Variants in TBC1D4 observed in about 807,000 individuals in gnomAD.
The protein encoded by TBC1D4 is TBC1 domain family member 4, also known as TBC (Tre-2, BUB2, CDC16) domain-containing protein.
TBC1D4 carries 121 observed loss-of-function variants against 142.5 expected under a neutral mutation model. The ratio of observed to expected loss-of-function variants is 0.85; its 90% CI spans 0.73 to 0.99. TBC1D4 has a LOEUF of 0.99. Among genes scored for constraint, TBC1D4 ranks in the 50% least tolerant of loss-of-function variants. TBC1D4 has a pLI of 0.00. For synonymous variants in TBC1D4, 630 were observed against 628.2 expected, an observed-to-expected ratio of 1.00 and a Z score of -0.04; for missense variants, 1,475 against 1,606.6, an observed-to-expected ratio of 0.92 and a Z score of 1.40.
chr13:75,353,516 T>C (rs7984434), intron 4 of TBC1D4, among the ~76,000 whole-genome samples: 3,380 of 152,194 alleles, frequency 0.022, 125 homozygotes, highest in African/African-American at 0.077. Flanking sequence ...AGTAGGTGGT[T>C]ATGCAACAAT....
intron 1 of TBC1D4, among the ~76,000 whole-genome samples, chr13:75,388,244 C>A (rs1000995737): frequency 6.6e-6 from 1 of 152,168 alleles, no homozygotes; most frequent in African/African-American, 2.4e-5. Flanking sequence ...TTAATCACAT[C>A]TGCAAAGTTA....
intron 1 of TBC1D4, among the ~76,000 whole-genome samples, chr13:75,381,930 A>G (rs1405005885): frequency 6.6e-6 from 1 of 152,244 alleles, no homozygotes; most frequent in African/African-American, 2.4e-5. Context: ...AATAAATGAA[A>G]TACTAGCAGA....
At position 75,470,736 on chromosome 13, in the gene TBC1D4, A is replaced by G. The variant is rs1293233286; in HGVS notation, c.498+10534T>C. ...GCCAGGCATGGTGGCCTGTAATCCC[A>G]GCACTTTGGGAGGCCAAGGCAGGTG... On this transcript the variant is annotated intron_variant, in intron 1 of 20. Coordinates refer to ENST00000377636, the MANE Select transcript of TBC1D4 (RefSeq NM_014832.5). Among the ~76,000 whole-genome samples the G allele has an allele frequency of 2.0e-5, 3 of 152,204 alleles. No homozygotes were observed. In the East Asian group the frequency reaches 5.8e-4, roughly 29 times the overall value.
intron 14 of TBC1D4, among the ~76,000 whole-genome samples, chr13:75,306,754 T>G (rs1877230935): frequency 6.6e-6 from 1 of 152,184 alleles, no homozygotes; most frequent in South Asian, 2.1e-4. Flanking sequence ...GTGTTGATCA[T>G]TCTATAATTT....
At chr13:75,448,536 C>A (rs1190206632) in intron 1 of TBC1D4, among the ~76,000 whole-genome samples, 1 of 150,534 alleles carries the variant, frequency 6.6e-6, no homozygotes, top group South Asian at 2.1e-4. Context: ...CCATTGTACT[C>A]CAGCCTGGGT....
chr13:75,393,598 T>C (rs1411819191), intron 1 of TBC1D4, among the ~76,000 whole-genome samples: 2 of 152,134 alleles, frequency 1.3e-5, no homozygotes, highest in Non-Finnish European at 2.9e-5. Context: ...GAGAAATTTG[T>C]AGGTTCCACA....
At chr13:75,304,474 T>A (rs954063055) in intron 15 of TBC1D4, among the ~76,000 whole-genome samples, 2 of 152,138 alleles carry the variant, frequency 1.3e-5, no homozygotes, top group Non-Finnish European at 2.9e-5. Flanking sequence ...AGGTGTGCAG[T>A]GGTGGGGTAA....
intron 4 of TBC1D4, among the ~76,000 whole-genome samples, chr13:75,354,082 G>A (rs1379296315): frequency 6.6e-6 from 1 of 152,162 alleles, no homozygotes; most frequent in African/African-American, 2.4e-5. Flanking sequence ...ACCAACCATC[G>A]AAGCAGTCTT....
At chr13:75,404,249 A>C (rs1425620893) in intron 1 of TBC1D4, among the ~76,000 whole-genome samples, 2 of 152,198 alleles carry the variant, frequency 1.3e-5, no homozygotes, top group Non-Finnish European at 2.9e-5. Context: ...GATGTATTTG[A>C]CCTTATTTCA....
At chr13:75,464,545 T>G (rs1248648155) in intron 1 of TBC1D4, among the ~76,000 whole-genome samples, 1 of 152,256 alleles carries the variant, frequency 6.6e-6, no homozygotes, top group African/African-American at 2.4e-5. Context: ...GGTAAAACTC[T>G]GTTCAGGGCT....
intron 1 of TBC1D4, among the ~76,000 whole-genome samples, chr13:75,373,520 T>C (rs764490341): frequency 6.6e-6 from 1 of 152,068 alleles, no homozygotes; most frequent in South Asian, 2.1e-4. Context: ...GACTTGCACT[T>C]TTTGTGGGTG....
chr13:75,417,243 G>A (rs1281792246), intron 1 of TBC1D4, among the ~76,000 whole-genome samples: 1 of 152,114 alleles, frequency 6.6e-6, no homozygotes, highest in Non-Finnish European at 1.5e-5. Context: ...ACTGCCACTT[G>A]CCCTAGACAC....
chr13:75,304,832 T>C (rs191974308), intron 15 of TBC1D4, among the ~76,000 whole-genome samples: 47 of 152,160 alleles, frequency 3.1e-4, no homozygotes, highest in South Asian at 1.5e-3. Flanking sequence ...GCTGGAACAT[T>C]CCATGCAAGA....
chr13:75,299,194 A>G, intron 17 of TBC1D4, 136 bp downstream of exon 17: 3 of 1,475,864 alleles, frequency 2.0e-6, no homozygotes, highest in Non-Finnish European at 2.8e-6. Context: ...AGTGAACTAA[A>G]ACATGCCCCA....
At chr13:75,437,735 TCA>T (rs1886861340) in intron 1 of TBC1D4, among the ~76,000 whole-genome samples, 1 of 152,110 alleles carries the variant, frequency 6.6e-6, no homozygotes, top group Non-Finnish European at 1.5e-5. Context: ...TAACCGACTC[TCA>T]GAGAACAGCT....
In TBC1D4 at chr13:75,285,958, G is replaced by A. The variant is rs1339274086; in HGVS notation, c.*834C>T. On this transcript the variant is annotated 3_prime_UTR_variant, in exon 21 of 21. Transcript: ENST00000377636. ...GTTATTCAAATAAAAAAAGCAGAAA[G>A]CTAATCTAGACATTTTAGGTCCTAA... 6.6e-6 allele frequency: 1 copy of A among 152,666 alleles called. No homozygotes were observed. The highest frequency in any genetic ancestry group is 6.5e-5 in the Admixed American group (1 of 15,278). 9.5% of individuals were successfully genotyped at this position (152,666 alleles called of 1,614,324 possible).
chr13:75,427,613 A>G (rs996865777), intron 1 of TBC1D4, among the ~76,000 whole-genome samples: 7 of 152,204 alleles, frequency 4.6e-5, no homozygotes, highest in African/African-American at 1.7e-4. Context: ...CTCCAGCTTG[A>G]AGCTTGAAGC....
At chr13:75,427,809 C>T (rs1367410448) in intron 1 of TBC1D4, among the ~76,000 whole-genome samples, 1 of 152,234 alleles carries the variant, frequency 6.6e-6, no homozygotes, top group Non-Finnish European at 1.5e-5. Flanking sequence ...AGTGAAAACT[C>T]TTGAAAGCCC....
intron 1 of TBC1D4, among the ~76,000 whole-genome samples, chr13:75,408,171 C>T (rs1405674842): frequency 6.6e-6 from 1 of 152,158 alleles, no homozygotes; most frequent in Non-Finnish European, 1.5e-5. Flanking sequence ...ATAGATTTAA[C>T]TATTCTGGAC....
Sources: gnomAD v4.1 joint callset for allele counts (sites outside exome capture counted in the v4.1 genomes callset) on GRCh38, gnomAD v4.1.1 for gene constraint, MANE v1.5 for transcripts, NCBI Gene and HGNC (gene_info 2026-07-23, HGNC 2026-07-21) for gene names.